The following GRIK2 variants were observed in gnomAD, a reference collection of about 807,000 sequenced individuals.
GRIK2 encodes the protein glutamate receptor ionotropic, kainate 2.
In GRIK2, 32 loss-of-function variants were observed where a neutral mutation model predicts 100.3. The observed-to-expected ratio is 0.32, with a 90% CI of 0.24 to 0.43. The LOEUF is 0.43. Among genes scored for constraint, GRIK2 ranks in the 20% least tolerant of loss-of-function variants. The pLI, the probability that GRIK2 is intolerant of heterozygous loss-of-function variation, is 1.00. For missense variants in GRIK2, 843 were observed against 1,114.9 expected, an observed-to-expected ratio of 0.76 and a Z score of 3.47; for synonymous variants, 417 against 389.4, an observed-to-expected ratio of 1.07 and a Z score of -0.83.
At chr6:101,913,374 T>C (rs901843075) in intron 12 of GRIK2, among the ~76,000 whole-genome samples, 1 of 151,580 alleles carries the variant, frequency 6.6e-6, no homozygotes, top group South Asian at 2.1e-4. Flanking sequence ...GCATCTACAT[T>C]CTACATAACA....
In GRIK2 at chr6:101,727,777, G is replaced by A. The variant is rs572517885; in HGVS notation, c.951+41424G>A. ...GAAGTGAGAAGTTAAGGGGAAAATG[G>A]CCATGCGGCTTCTATTATAGAAATG... On this transcript the variant is annotated intron_variant, in intron 7 of 16. Coordinates refer to ENST00000369134, the MANE Select transcript of GRIK2 (RefSeq NM_021956.5). Among the ~76,000 whole-genome samples the A allele has an allele frequency of 7.9e-5, 12 of 152,004 alleles. No individual in the cohort carries two copies. In the East Asian group the frequency reaches 2.1e-3, roughly 27 times the overall value.
chr6:101,982,396 A>G, intron 14 of GRIK2, among the ~76,000 whole-genome samples: 1 of 151,850 alleles, frequency 6.6e-6, no homozygotes, highest in East Asian at 1.9e-4. Context: ...CAGCCACTCT[A>G]TCATGCAGAT....
chr6:102,015,550 C>T (rs373704939), intron 14 of GRIK2, among the ~76,000 whole-genome samples: 41 of 152,280 alleles, frequency 2.7e-4, no homozygotes, highest in African/African-American at 7.9e-4. Flanking sequence ...AGGTCCTTTG[C>T]CCCCCAGATC....
chr6:101,716,230 G>C (rs1032559943), intron 7 of GRIK2, among the ~76,000 whole-genome samples: 3 of 151,428 alleles, frequency 2.0e-5, no homozygotes, highest in Non-Finnish European at 4.4e-5. Flanking sequence ...AATAGTCAAA[G>C]GGAAAAGGGG....
chr6:101,836,661 ATTT>A (rs1194200766), intron 10 of GRIK2, among the ~76,000 whole-genome samples: 7,439 of 57,574 alleles, frequency 0.13, 463 homozygotes, highest in East Asian at 0.5. Context: ...ATATATATAT[ATTT>A]TTTTTTTTTT....
At chr6:101,402,578 C>A (rs1408435497) in intron 2 of GRIK2, among the ~76,000 whole-genome samples, 1 of 152,212 alleles carries the variant, frequency 6.6e-6, no homozygotes, top group African/African-American at 2.4e-5. Flanking sequence ...TCCAGGCAGG[C>A]GGGCGAGCCC....
At chr6:101,647,006 C>T (rs554949013) in intron 4 of GRIK2, among the ~76,000 whole-genome samples, 69 of 151,994 alleles carry the variant, frequency 4.5e-4, no homozygotes, top group Admixed American at 7.9e-4. Context: ...ACTTAGCATG[C>T]ATTTCTCGTT....
At chr6:101,566,408 C>A (rs896384390) in intron 2 of GRIK2, among the ~76,000 whole-genome samples, 2 of 152,086 alleles carry the variant, frequency 1.3e-5, no homozygotes, top group East Asian at 3.9e-4. Context: ...CTTGTGTTCA[C>A]ATAAAAACAT....
chr6:101,554,072 A>G (rs2749072), intron 2 of GRIK2, among the ~76,000 whole-genome samples: 72,416 of 152,032 alleles, frequency 0.48, 17,593 homozygotes, highest in African/African-American at 0.54. Flanking sequence ...TGGCACCAGA[A>G]TTTGAGCTGT....
At chr6:101,753,641 G>A (rs1583076726) in intron 7 of GRIK2, among the ~76,000 whole-genome samples, 1 of 151,774 alleles carries the variant, frequency 6.6e-6, no homozygotes, top group African/African-American at 2.4e-5. Flanking sequence ...AACCAGTTAG[G>A]TTTTATATTA....
intron 2 of GRIK2, among the ~76,000 whole-genome samples, chr6:101,496,478 C>G (rs1035159989): frequency 6.6e-6 from 1 of 152,118 alleles, no homozygotes; most frequent in African/African-American, 2.4e-5. Context: ...AGAAACTATT[C>G]TGAACTGTCA....
At chr6:102,038,213 T>A (rs1224182403) in intron 15 of GRIK2, among the ~76,000 whole-genome samples, 1 of 151,460 alleles carries the variant, frequency 6.6e-6, no homozygotes, top group Non-Finnish European at 1.5e-5. Context: ...GGTTAGCTGA[T>A]GTCTTAGAAT....
chr6:101,904,854 C>T (rs1270023694), intron 12 of GRIK2, among the ~76,000 whole-genome samples: 1 of 151,382 alleles, frequency 6.6e-6, no homozygotes, highest in Non-Finnish European at 1.5e-5. Flanking sequence ...ATGATCAGTA[C>T]TCAAGGTGGA....
chr6:101,860,673 G>A (rs1449149983), intron 11 of GRIK2, among the ~76,000 whole-genome samples: 9 of 152,248 alleles, frequency 5.9e-5, no homozygotes, highest in African/African-American at 9.6e-5. Context: ...GAAGTCTTTC[G>A]AAAGGGCTGT....
rs1171213554 is a variant in GRIK2 at position 102,035,725 on chromosome 6, C to T, written c.2311+159C>T. 2.6e-5 allele frequency among the ~76,000 whole-genome samples: 4 copies of T among 151,414 alleles called. 1 individual carries two copies. Among genetic ancestry groups the T allele is most frequent in the Middle Eastern group, 6.8e-3 (2 of 292 alleles). Reference sequence around the variant, plus strand: ...TATAAAAGCAGGTTATCATTTTGGACATATTCTTCTGAATAGATAAGTCAA... The same window carrying T: ...TATAAAAGCAGGTTATCATTTTGGATATATTCTTCTGAATAGATAAGTCAA... On this transcript the variant is annotated intron_variant, in intron 15 of 16. Coordinates refer to ENST00000369134, the MANE Select transcript of GRIK2 (RefSeq NM_021956.5).
rs1421933458 is a variant in GRIK2, at chr6:102,050,734, C to G, written c.2312-4596C>G. Among the ~76,000 whole-genome samples the G allele has an allele frequency of 3.9e-5, 5 of 126,874 alleles. No individual in the cohort carries two copies. In the East Asian group the frequency reaches 1.1e-3, roughly 29 times the overall value. 83.2% of individuals were successfully genotyped at this position (126,874 alleles called of 152,430 possible). ...AGAAAAAGAAAAAGGAAAGGGAACA[C>G]AGAGGAATGAAAAAGTAGGGAGGGA... is the stretch of plus-strand genomic sequence containing the variant. On this transcript the variant is annotated intron_variant, in intron 15 of 16. Transcript: ENST00000369134.
chr6:101,997,327 G>A (rs779588071), intron 14 of GRIK2, among the ~76,000 whole-genome samples: 9 of 152,060 alleles, frequency 5.9e-5, no homozygotes, highest in South Asian at 4.1e-4. Context: ...CTATCTTTAC[G>A]TAATGAACCA....
At chr6:101,657,923 A>G (rs1769313531) in intron 4 of GRIK2, among the ~76,000 whole-genome samples, 2 of 152,048 alleles carry the variant, frequency 1.3e-5, no homozygotes, top group Admixed American at 1.3e-4. Flanking sequence ...TTCTTCTTTC[A>G]CTTATGCTGA....
intron 9 of GRIK2, among the ~76,000 whole-genome samples, chr6:101,804,590 C>T (rs547385896): frequency 6.6e-6 from 1 of 151,864 alleles, no homozygotes; most frequent in Admixed American, 6.6e-5. Flanking sequence ...ATGGAGGAGC[C>T]AGGTAGGAAA....
Sources: allele counts gnomAD v4.1 joint callset (sites outside exome capture counted in the v4.1 genomes callset), GRCh38; gene constraint gnomAD v4.1.1; transcripts MANE v1.5; gene names NCBI Gene and HGNC (gene_info 2026-07-23, HGNC 2026-07-21).